The following TMEM182 variants were observed in gnomAD, a reference collection of about 807,000 sequenced individuals.
TMEM182 encodes the protein transmembrane protein 182.
A neutral mutation model predicts 26.8 loss-of-function variants in TMEM182; 20 were observed. That is an observed-to-expected ratio of 0.75 (90% confidence interval 0.53 to 1.09). The LOEUF (loss-of-function observed/expected upper bound fraction) is 1.09. Among genes scored for constraint, TMEM182 ranks in the 50% least tolerant of loss-of-function variants. The probability of loss-of-function intolerance (pLI) is 0.00; values close to 1 mark genes in which losing one functional copy is unlikely to be tolerated. For synonymous variants in TMEM182, 109 were observed against 102.2 expected (o/e 1.07, Z -0.40); for missense variants, 277 against 275.5 (o/e 1.01, Z -0.04).
At chr2:102,755,245 A>C (rs1348054130) in intron 1 of TMEM182, among the ~76,000 whole-genome samples, 1 of 152,214 alleles carries the variant, frequency 6.6e-6, no homozygotes, top group Non-Finnish European at 1.5e-5. Flanking sequence ...GTTCTTAGCC[A>C]GGCACGTTAT....
At chr2:102,820,346 C>T (rs1351170297), downstream of TMEM182, among the ~76,000 whole-genome samples, 1 of 152,186 alleles carries the variant, frequency 6.6e-6, no homozygotes, top group Middle Eastern at 3.2e-3. Flanking sequence ...ACAAATGGCA[C>T]TAGATGTTAG....
intron 3 of TMEM182, among the ~76,000 whole-genome samples, chr2:102,824,729 A>G (rs1482524594): frequency 6.6e-6 from 1 of 152,174 alleles, no homozygotes; most frequent in South Asian, 2.1e-4. Flanking sequence ...CAGGAGGCTG[A>G]GGCAGGGGAA....
intron 3 of TMEM182, among the ~76,000 whole-genome samples, chr2:102,825,081 A>C (rs1468862717): frequency 6.6e-6 from 1 of 152,232 alleles, no homozygotes; most frequent in African/African-American, 2.4e-5. Flanking sequence ...ATGTTGTTTT[A>C]ATCATGAAAT....
At chr2:102,772,598 C>T (rs1347773786) in intron 3 of TMEM182, among the ~76,000 whole-genome samples, 1 of 152,022 alleles carries the variant, frequency 6.6e-6, no homozygotes, top group Non-Finnish European at 1.5e-5. Context: ...GGGACTGGCT[C>T]ATGGTAAGGG....
intron 3 of TMEM182, among the ~76,000 whole-genome samples, chr2:102,767,436 T>C (rs973138750): frequency 1.2e-4 from 18 of 152,222 alleles, no homozygotes; most frequent in African/African-American, 3.9e-4. Flanking sequence ...GTTTGTTTCA[T>C]GTTTACATTC....
chr2:102,790,824 T>G (rs779830627), intron 3 of TMEM182, among the ~76,000 whole-genome samples: 11 of 152,200 alleles, frequency 7.2e-5, no homozygotes, highest in Non-Finnish European at 1.6e-4. Context: ...TATATTTTTA[T>G]GGATAAAATT....
At chr2:102,740,952 C>T (rs1488559408) in intron 1 of TMEM182, among the ~76,000 whole-genome samples, 1 of 152,054 alleles carries the variant, frequency 6.6e-6, no homozygotes, top group Non-Finnish European at 1.5e-5. Context: ...GTGAAGAAGC[C>T]AAATGAAAAG....
chr2:102,824,423 G>T (rs1234428933), intron 3 of TMEM182, among the ~76,000 whole-genome samples: 1 of 152,120 alleles, frequency 6.6e-6, no homozygotes, highest in African/African-American at 2.4e-5. Context: ...CATGGGAGTG[G>T]ACTTCCTCTT....
Position 102,814,900 on chromosome 2 carries a change from A to G in TMEM182, c.622A>G (p.Ile208Val), listed in dbSNP as rs770494098. The stretch of plus-strand genomic sequence containing the variant: ...GTCATTTTTCCTGGCCCCAGCTGGG[A>G]TATTTTTTTCTTTGCTAGCTGGATT... The part of the protein sequence containing the change: ...GWSFFLAPAG[I>V]FFSLLAGLLF... Residue 208 changes from isoleucine (I) to valine (V), a missense_variant, in exon 5 of 5, where the codon ATA (isoleucine) becomes GTA (valine). Physicochemically the swap from Ile to Val is conservative, Grantham distance 29. Coordinates refer to ENST00000412401, the MANE Select transcript of TMEM182 (RefSeq NM_144632.5). 2.5e-6 allele frequency: 4 copies of G among 1,613,768 alleles called. No homozygotes were observed. Among genetic ancestry groups the G allele is most frequent in the Non-Finnish European group, 2.5e-6 (3 of 1,179,956 alleles).
rs756083340 is a variant in TMEM182 at position 102,814,854 on chromosome 2, C to T, written c.576C>T (p.Thr192=). 7 of 1,613,772 alleles carry T rather than the reference C, an allele frequency of 4.3e-6. No individual in the cohort carries two copies. Among genetic ancestry groups the T allele is most frequent in the South Asian group, 2.2e-5 (2 of 91,052 alleles). Residue 192 remains threonine, a synonymous_variant, in exon 5 of 5, where the codon ACC becomes ACT. Transcript: ENST00000412401. ...AAATGAAGGACTGCCTGGATTTCAC[C>T]CCTTCTGTTCTGTATGGCTGGTCAT... ...NMKMKDCLDF[T]PSVLYGWSFF...
chr2:102,808,883 C>A (rs957256559), intron 4 of TMEM182, among the ~76,000 whole-genome samples: 3 of 152,174 alleles, frequency 2.0e-5, no homozygotes, highest in African/African-American at 7.2e-5. Flanking sequence ...AAGGACAAAA[C>A]TGAGCTATAG....
Position 102,816,802 on chromosome 2 carries a change from CA to C in TMEM182, c.*1836del. On this transcript the variant is annotated 3_prime_UTR_variant, in exon 5 of 5. Coordinates refer to ENST00000412401, the MANE Select transcript of TMEM182 (RefSeq NM_144632.5). Reference sequence around the variant, plus strand: ...GATTAGTTCATGTCATCTGTAAATACAATTCTTTTTTGTAGTACTTTGGAAT... The same window carrying C: ...GATTAGTTCATGTCATCTGTAAATACATTCTTTTTTGTAGTACTTTGGAAT... 15 of 985,752 alleles carry C rather than the reference CA, an allele frequency of 1.5e-5. No homozygotes were observed. Among genetic ancestry groups the C allele is most frequent in the Non-Finnish European group, 1.8e-5 (15 of 829,910 alleles). 61.1% of individuals were successfully genotyped at this position (985,752 alleles called of 1,614,324 possible).
chr2:102,824,393 C>G (rs1682990782), intron 3 of TMEM182, among the ~76,000 whole-genome samples: 1 of 152,160 alleles, frequency 6.6e-6, no homozygotes, highest in Non-Finnish European at 1.5e-5. Context: ...GAGGAGGAGT[C>G]TGGTGGGAGG....
intron 1 of TMEM182, among the ~76,000 whole-genome samples, chr2:102,744,576 C>T (rs936396013): frequency 2.6e-5 from 4 of 151,986 alleles, no homozygotes; most frequent in African/African-American, 9.7e-5. Context: ...ATTCTTTTAG[C>T]GTTTCTTATA....
At chr2:102,821,355 C>G (rs575361928), downstream of TMEM182, among the ~76,000 whole-genome samples, 1 of 152,096 alleles carries the variant, frequency 6.6e-6, no homozygotes, top group Non-Finnish European at 1.5e-5. Context: ...GAGGGTGGAT[C>G]CTTCATGGCT....
chr2:102,841,032 G>A (rs1683339496), intron 3 of TMEM182, among the ~76,000 whole-genome samples: 1 of 151,868 alleles, frequency 6.6e-6, no homozygotes, highest in South Asian at 2.1e-4. Flanking sequence ...GTGTTACTTT[G>A]TTCCTAAGTG....
chr2:102,751,093 A>C (rs958225418), intron 1 of TMEM182, among the ~76,000 whole-genome samples: 5 of 152,156 alleles, frequency 3.3e-5, no homozygotes, highest in Non-Finnish European at 7.4e-5. Context: ...TCATGCCAAG[A>C]AAGTTAAGGA....
At chr2:102,759,147 A>G (rs1407419137), upstream of TMEM182, among the ~76,000 whole-genome samples, 3 of 152,244 alleles carry the variant, frequency 2.0e-5, no homozygotes, top group African/African-American at 7.2e-5. Flanking sequence ...CTAATTAAAA[A>G]AAATCTACTT....
intron 4 of TMEM182, among the ~76,000 whole-genome samples, chr2:102,806,671 A>G (rs1312089507): frequency 6.6e-6 from 1 of 152,172 alleles, no homozygotes; most frequent in East Asian, 1.9e-4. Flanking sequence ...AATAATAATA[A>G]TAATAATAAC....
Sources: allele counts gnomAD v4.1 joint callset (sites outside exome capture counted in the v4.1 genomes callset), GRCh38; gene constraint gnomAD v4.1.1; transcripts MANE v1.5; gene names NCBI Gene and HGNC (gene_info 2026-07-23, HGNC 2026-07-21).